CD2AP: variants seen among roughly 807,000 people sequenced by gnomAD.
The protein encoded by CD2AP is CD2-associated protein.
A neutral mutation model predicts 85.1 loss-of-function variants in CD2AP; 46 were observed. The observed-to-expected ratio is 0.54, with a 90% CI of 0.43 to 0.69. CD2AP has a LOEUF of 0.69. CD2AP is among the 30% of genes least tolerant of loss of function. CD2AP has a pLI of 0.00. For synonymous variants in CD2AP, 255 were observed against 252.9 expected, an observed-to-expected ratio of 1.01 and a Z score of -0.08; for missense variants, 769 against 729.5, an observed-to-expected ratio of 1.05 and a Z score of -0.62.
At position 47,485,648 on chromosome 6, in the gene CD2AP, G is replaced by A. The variant is rs1352780832; in HGVS notation, c.4+7400G>A. The stretch of plus-strand genomic sequence containing the variant: ...TATAGTAGTGTATACTAATGTCCTA[G>A]GCCTTCACATTTGCTCACCACTCAC... On this transcript the variant is annotated intron_variant, in intron 1 of 17. Coordinates refer to ENST00000359314, the MANE Select transcript of CD2AP (RefSeq NM_012120.3). Among the ~76,000 whole-genome samples the A allele has an allele frequency of 2.0e-5, 3 of 152,140 alleles. 1 individual carries two copies. In the Middle Eastern group the frequency reaches 0.01, roughly 517 times the overall value.
chr6:47,510,160 G>T (rs1227240344), intron 2 of CD2AP, among the ~76,000 whole-genome samples: 1 of 152,200 alleles, frequency 6.6e-6, no homozygotes, highest in East Asian at 1.9e-4. Flanking sequence ...TATAGTCAGA[G>T]ACAGCAGTAT....
intron 15 of CD2AP, among the ~76,000 whole-genome samples, chr6:47,608,300 A>T (rs1348710499): frequency 6.6e-6 from 1 of 152,162 alleles, no homozygotes; most frequent in Non-Finnish European, 1.5e-5. Context: ...TCTCCATTAA[A>T]CATACATTCT....
At chr6:47,616,399 G>A (rs1203355348) in intron 17 of CD2AP, among the ~76,000 whole-genome samples, 1 of 152,116 alleles carries the variant, frequency 6.6e-6, no homozygotes, top group Admixed American at 6.6e-5. Flanking sequence ...TGGCCTTAAA[G>A]ATGTTTTTAA....
In CD2AP at chr6:47,606,255, GC is replaced by G; in HGVS notation, c.1510del (p.Arg504ValfsTer16). On this transcript the variant is annotated frameshift_variant, in exon 14 of 18. Transcript: ENST00000359314. LOFTEE classifies it high-confidence loss of function. ...RPKMPGRRLP[G>X]RFNGGHSPTH... Reference sequence around the variant, plus strand: ...AAGATGCCTGGAAGAAGGTTGCCGGGCCGTTTCAATGGTGGACATTCTGTGA... The same window carrying G: ...AAGATGCCTGGAAGAAGGTTGCCGGGCGTTTCAATGGTGGACATTCTGTGA... 6.2e-7 allele frequency: 1 copy of G among 1,606,478 alleles called. No homozygotes were observed. Among genetic ancestry groups the G allele is most frequent in the Non-Finnish European group, 8.5e-7 (1 of 1,173,380 alleles).
chr6:47,484,128 TTTTG>T (rs939538644), intron 1 of CD2AP, among the ~76,000 whole-genome samples: 7 of 152,158 alleles, frequency 4.6e-5, no homozygotes, highest in Non-Finnish European at 2.9e-5. Context: ...TCCTCCCAGC[TTTTG>T]TTTATTTTGG....
chr6:47,516,332 G>T (rs1766452449), intron 2 of CD2AP, among the ~76,000 whole-genome samples: 1 of 152,202 alleles, frequency 6.6e-6, no homozygotes, highest in Non-Finnish European at 1.5e-5. Flanking sequence ...GAGCAACAGA[G>T]CATAGAAAAT....
At chr6:47,614,118 T>G (rs1270925482) in intron 17 of CD2AP, among the ~76,000 whole-genome samples, 3 of 152,222 alleles carry the variant, frequency 2.0e-5, no homozygotes, top group Non-Finnish European at 4.4e-5. Context: ...CAAACTTTCC[T>G]TCATATCAAC....
intron 2 of CD2AP, among the ~76,000 whole-genome samples, chr6:47,508,692 G>A (rs959790822): frequency 6.6e-5 from 10 of 151,816 alleles, no homozygotes; most frequent in African/African-American, 7.3e-5. Context: ...TTACAGGGGC[G>A]TGCCACCACG....
At chr6:47,560,368 T>C (rs1328214270) in intron 5 of CD2AP, among the ~76,000 whole-genome samples, 1 of 152,194 alleles carries the variant, frequency 6.6e-6, no homozygotes, top group African/African-American at 2.4e-5. Flanking sequence ...CACCTTTTTT[T>C]TATTATTCCA....
At chr6:47,585,995 A>G (rs990640626) in intron 11 of CD2AP, among the ~76,000 whole-genome samples, 1 of 152,202 alleles carries the variant, frequency 6.6e-6, no homozygotes, top group African/African-American at 2.4e-5. Context: ...CAAGAGAGTA[A>G]AAATCACGGC....
intron 2 of CD2AP, among the ~76,000 whole-genome samples, chr6:47,522,659 G>T (rs1291368998): frequency 6.6e-6 from 1 of 152,008 alleles, no homozygotes; most frequent in African/African-American, 2.4e-5. Flanking sequence ...GCTGACAAAT[G>T]AATAAAAATC....
chr6:47,574,164 T>G lies in CD2AP; in HGVS notation c.642T>G (p.Ile214Met). Residue 214 changes from isoleucine (I) to methionine (M), a missense_variant, in exon 6 of 18, where the codon ATT becomes ATG. By Grantham distance (10) the Ile-to-Met change is conservative. Coordinates refer to ENST00000359314, the MANE Select transcript of CD2AP (RefSeq NM_012120.3). ...SVTQPKKIRG[I>M]GFGDIFKEGS... The stretch of plus-strand genomic sequence containing the variant: ...CACAGCCAAAGAAAATTCGAGGAAT[T>G]GGATTTGGAGACATTTTTAAAGAAG... The G allele has an allele frequency of 6.2e-7, 1 of 1,614,062 alleles. No individual in the cohort carries two copies. Among genetic ancestry groups the G allele is most frequent in the South Asian group, 1.1e-5 (1 of 91,082 alleles).
intron 5 of CD2AP, chr6:47,562,693 C>G (rs1237036822): frequency 7.6e-6 from 5 of 658,754 alleles, no homozygotes; most frequent in Non-Finnish European, 1.4e-5. Context: ...TTCAGAAGAC[C>G]ACCCTCATCC....
chr6:47,586,304 T>C (rs1464265325), intron 11 of CD2AP, among the ~76,000 whole-genome samples: 2 of 151,386 alleles, frequency 1.3e-5, no homozygotes, highest in Non-Finnish European at 2.9e-5. Context: ...TCCAGTAGAG[T>C]GGAAACTGCA....
At chr6:47,492,214 C>G (rs892782864) in intron 1 of CD2AP, among the ~76,000 whole-genome samples, 2 of 152,090 alleles carry the variant, frequency 1.3e-5, no homozygotes, top group Non-Finnish European at 2.9e-5. Context: ...TTATGAACAA[C>G]AGAAATTTAT....
At chr6:47,533,855 A>G in intron 3 of CD2AP, 100 bp downstream of exon 3, 1 of 1,157,776 alleles carries the variant, frequency 8.6e-7, no homozygotes, top group Non-Finnish European at 1.2e-6. Flanking sequence ...TTTTGTAGAC[A>G]ACTACAGTAA....
intron 1 of CD2AP, among the ~76,000 whole-genome samples, chr6:47,497,786 C>G (rs899391556): frequency 9.9e-5 from 15 of 152,084 alleles, no homozygotes; most frequent in Non-Finnish European, 1.9e-4. Context: ...GTTTTTTGTC[C>G]TTAACTGACT....
At chr6:47,483,422 A>G (rs1020506667) in intron 1 of CD2AP, among the ~76,000 whole-genome samples, 1 of 152,150 alleles carries the variant, frequency 6.6e-6, no homozygotes, top group Non-Finnish European at 1.5e-5. Flanking sequence ...CTTGGGGGAA[A>G]AGGGAGGAAA....
Position 47,525,720 on chromosome 6 carries a change from C to A in CD2AP, c.166-7882C>A, listed in dbSNP as rs545778157. Among the ~76,000 whole-genome samples, 6 of 152,248 alleles carry A rather than the reference C, an allele frequency of 3.9e-5. No homozygotes were observed. In the South Asian group the frequency reaches 1.0e-3, roughly 26 times the overall value. ...TAGATATACCCTTTAACTTCCCCCA[C>A]CATTTGCATATGTATTTCAGTTTTT... On this transcript the variant is annotated intron_variant, in intron 2 of 17. Coordinates refer to ENST00000359314, the MANE Select transcript of CD2AP (RefSeq NM_012120.3).
Sources: allele counts gnomAD v4.1 joint callset (sites outside exome capture counted in the v4.1 genomes callset), GRCh38; gene constraint gnomAD v4.1.1; transcripts MANE v1.5; gene names NCBI Gene and HGNC (gene_info 2026-07-23, HGNC 2026-07-21).